VAMP1: variants seen among roughly 807,000 people sequenced by gnomAD.
VAMP1 encodes vesicle-associated membrane protein 1.
In VAMP1, 16 loss-of-function variants were observed where a neutral mutation model predicts 19.1. That is an observed-to-expected ratio of 0.84 (90% CI 0.57 to 1.27). The LOEUF (loss-of-function observed/expected upper bound fraction) is 1.27. VAMP1 is among the 50% of genes most tolerant of loss of function. VAMP1 has a pLI of 0.00. For missense variants in VAMP1, 109 were observed against 145.4 expected, an observed-to-expected ratio of 0.75 and a Z score of 1.29; for synonymous variants, 37 against 50.2, an observed-to-expected ratio of 0.74 and a Z score of 1.11.
chr12:6,470,576 C>T lies in VAMP1; in HGVS notation c.-45G>A. 6.2e-7 allele frequency: 1 copy of T among 1,613,272 alleles called. No individual in the cohort carries two copies. The highest frequency in any genetic ancestry group is 8.5e-7 in the Non-Finnish European group (1 of 1,179,474). ...AGGGTCTGTTCCTCTCCGGAGGCTG[C>T]GGCGAGACACCCGGTGAGGGACGCT... On this transcript the variant is annotated 5_prime_UTR_variant, in exon 1 of 5. Coordinates refer to ENST00000396308, the MANE Select transcript of VAMP1 (RefSeq NM_014231.5).
intron 1 of VAMP1, among the ~76,000 whole-genome samples, chr12:6,469,237 T>C (rs1327884109): frequency 6.6e-6 from 1 of 152,166 alleles, no homozygotes; most frequent in Non-Finnish European, 1.5e-5. Context: ...GCAATCTAGC[T>C]CTCGACTTAA....
intron 1 of VAMP1, among the ~76,000 whole-genome samples, chr12:6,469,198 G>C (rs1165576667): frequency 1.3e-5 from 2 of 152,168 alleles, no homozygotes; most frequent in African/African-American, 4.8e-5. Context: ...GGAGCCACAA[G>C]ACTCTTGTCC....
intron 1 of VAMP1, among the ~76,000 whole-genome samples, chr12:6,468,227 A>T (rs1371358838): frequency 2.6e-5 from 4 of 152,242 alleles, no homozygotes; most frequent in African/African-American, 7.2e-5. Context: ...GGGAGCCAGG[A>T]GGGAGGCTGT....
At chr12:6,466,895 G>T (rs1031218930) in intron 1 of VAMP1, 1 of 154,832 alleles carries the variant, frequency 6.5e-6, no homozygotes, top group African/African-American at 2.4e-5. Context: ...ATTCCCACAT[G>T]TTGTGGGAGG....
chr12:6,470,422 C>T lies in VAMP1; in HGVS notation c.2+108G>A, dbSNP rs1248002722. The T allele has an allele frequency of 4.5e-6, 7 of 1,543,016 alleles. No individual in the cohort carries two copies. The South Asian group carries it at 4.6e-5, about 10-fold the overall frequency. ...GAAGCGGCGCGCGGTGGTAGTTCCCCGCGTTGCTGCAGCTGCTGCATTGCG... is the reference window on the plus strand; with the variant it reads ...GAAGCGGCGCGCGGTGGTAGTTCCCTGCGTTGCTGCAGCTGCTGCATTGCG... On this transcript the variant is annotated intron_variant, in intron 1 of 4. Coordinates refer to ENST00000396308, the MANE Select transcript of VAMP1 (RefSeq NM_014231.5).
chr12:6,464,675 A>C (rs1400284126), intron 4 of VAMP1, 189 bp from the exon 5 acceptor site: 3 of 1,478,696 alleles, frequency 2.0e-6, no homozygotes, highest in Non-Finnish European at 2.7e-6. Context: ...AGGAGGCGCC[A>C]TCTCCCTGCA....
Position 6,462,460 on chromosome 12 carries a change from T to G in VAMP1, c.*2010A>C. 1 of 494,462 alleles carries G rather than the reference T, an allele frequency of 2.0e-6. No homozygotes were observed. Among genetic ancestry groups the G allele is most frequent in the Non-Finnish European group, 3.6e-6 (1 of 277,800 alleles). The allele number at this position is 494,462 out of a possible 1,614,324, so 30.6% of individuals were successfully genotyped here. ...GGGATGTGGGAAGCTCAGCTTCATT[T>G]GACTGCAAAGTCCCAGGGTTTTGTT... On this transcript the variant is annotated 3_prime_UTR_variant, in exon 5 of 5. Coordinates refer to ENST00000396308, the MANE Select transcript of VAMP1 (RefSeq NM_014231.5).
In VAMP1 at chr12:6,462,908, T is replaced by C; in HGVS notation, c.*1562A>G. 6.3e-6 allele frequency: 10 copies of C among 1,575,408 alleles called. No individual in the cohort carries two copies. The highest frequency in any genetic ancestry group is 1.2e-5 in the South Asian group (1 of 85,750). Reference sequence around the variant, plus strand: ...GGAAAGGAAGGATGGTTTTGAGCAATGAAATGCTGCTGCATGGAAAGTGGG... The same window carrying C: ...GGAAAGGAAGGATGGTTTTGAGCAACGAAATGCTGCTGCATGGAAAGTGGG... On this transcript the variant is annotated 3_prime_UTR_variant, in exon 5 of 5. Coordinates refer to ENST00000396308, the MANE Select transcript of VAMP1 (RefSeq NM_014231.5).
At chr12:6,467,977 C>T (rs1015943175) in intron 1 of VAMP1, among the ~76,000 whole-genome samples, 15 of 152,374 alleles carry the variant, frequency 9.8e-5, no homozygotes, top group South Asian at 2.1e-4. Context: ...TGTATGGAAA[C>T]GCCTGGATGT....
Position 6,463,588 on chromosome 12 carries a change from AC to A in VAMP1, c.*881del, listed in dbSNP as rs1248066620. On this transcript the variant is annotated 3_prime_UTR_variant, in exon 5 of 5. Transcript: ENST00000396308. This position sits in a 1 kb window ranked among gnomAD's most constrained non-coding sequence, Gnocchi z 4.0. Reference sequence around the variant, plus strand: ...TACTTTCAAATTAAGCACTTGACTCACTGTTTCTCTATAACTAACAGGCAAT... The same window carrying A: ...TACTTTCAAATTAAGCACTTGACTCATGTTTCTCTATAACTAACAGGCAAT... 9.4e-7 allele frequency: 1 copy of A among 1,065,120 alleles called. No homozygotes were observed. The highest frequency in any genetic ancestry group is 1.1e-6 in the Non-Finnish European group (1 of 877,000). 66.0% of individuals were successfully genotyped at this position (1,065,120 alleles called of 1,614,324 possible). A position where few individuals can be genotyped will look rare whatever the true frequency, so the allele number is the denominator to read the frequency against.
At chr12:6,465,009 TG>T in intron 3 of VAMP1, 68 bp from the exon 4 acceptor site, 1 of 1,601,442 alleles carries the variant, frequency 6.2e-7, no homozygotes. Context: ...ACATCTCTAG[TG>T]GGAAACAGAA....
Position 6,463,958 on chromosome 12 carries a change from TG to T in VAMP1, c.*511del. On this transcript the variant is annotated 3_prime_UTR_variant, in exon 5 of 5. Transcript: ENST00000396308. This position sits in a 1 kb window ranked among gnomAD's most constrained non-coding sequence, Gnocchi z 4.0. ...ACTGCACTGAAACCAAGTTGGACTTTGGTCCACCCCCAGGACCCTCTTCAGG... is the reference window on the plus strand; with the variant it reads ...ACTGCACTGAAACCAAGTTGGACTTTGTCCACCCCCAGGACCCTCTTCAGG... The T allele has an allele frequency of 7.8e-7, 1 of 1,290,170 alleles. No homozygotes were observed. Among genetic ancestry groups the T allele is most frequent in the Non-Finnish European group, 1.0e-6 (1 of 989,420 alleles). 79.9% of individuals were successfully genotyped at this position (1,290,170 alleles called of 1,614,324 possible). A position where few individuals can be genotyped will look rare whatever the true frequency, so the allele number is the denominator to read the frequency against.
chr12:6,465,355 AAAG>A (rs1220743780), intron 3 of VAMP1: 7 of 240,330 alleles, frequency 2.9e-5, no homozygotes, highest in African/African-American at 2.2e-4. Flanking sequence ...GAAAAAGAAA[AAAG>A]TATATATATA....
rs572071417 is a variant in VAMP1 at position 6,466,102 on chromosome 12, G to A, written c.130-102C>T. 1.9e-6 allele frequency: 3 copies of A among 1,609,926 alleles called. No individual in the cohort carries two copies. In the African/African-American group the frequency reaches 4.0e-5, roughly 22 times the overall value. On this transcript the variant is annotated intron_variant, in intron 2 of 4. Transcript: ENST00000396308. ...AGTCTGGCCCTGTGCAACTCTAAAG[G>A]GTGCTTTGCCTCTCAGGGCCTTTGA...
At chr12:6,465,165 A>G (rs1472987280) in intron 3 of VAMP1, 14 of 585,056 alleles carry the variant, frequency 2.4e-5, no homozygotes, top group Non-Finnish European at 3.8e-5. Flanking sequence ...CAGGACCTGC[A>G]TTGAGCTCCT....
At position 6,463,159 on chromosome 12, in the gene VAMP1, T is replaced by C; in HGVS notation, c.*1311A>G. On this transcript the variant is annotated 3_prime_UTR_variant, in exon 5 of 5. Coordinates refer to ENST00000396308, the MANE Select transcript of VAMP1 (RefSeq NM_014231.5). This position sits in a 1 kb window ranked among gnomAD's most constrained non-coding sequence, Gnocchi z 4.0. ...TTCCACTGTCTATACACACAAACCA[T>C]GCAAAGAGGAGGAAGAGAAAGGAGG... is the stretch of plus-strand genomic sequence containing the variant. 2 of 1,444,508 alleles carry C rather than the reference T, an allele frequency of 1.4e-6. No individual in the cohort carries two copies. The highest frequency in any genetic ancestry group is 1.4e-5 in the South Asian group (1 of 68,996). The allele number at this position is 1,444,508 out of a possible 1,614,324, so 89.5% of individuals were successfully genotyped here.
Position 6,464,238 on chromosome 12 carries a change from G to A in VAMP1, c.*232C>T, listed in dbSNP as rs1949947845. On this transcript the variant is annotated 3_prime_UTR_variant, in exon 5 of 5. Coordinates refer to ENST00000396308, the MANE Select transcript of VAMP1 (RefSeq NM_014231.5). ...AGAGTACAGAAAAAGCAGGCAGGGA[G>A]GAGGCGCCAGCTGTTGCTCTTCGGG... is the stretch of plus-strand genomic sequence containing the variant. 5 of 1,522,210 alleles carry A rather than the reference G, an allele frequency of 3.3e-6. No homozygotes were observed. The highest frequency in any genetic ancestry group is 2.6e-6 in the Non-Finnish European group (3 of 1,135,508). 94.3% of individuals were successfully genotyped at this position (1,522,210 alleles called of 1,614,324 possible). A position where few individuals can be genotyped will look rare whatever the true frequency, so the allele number is the denominator to read the frequency against.
At chr12:6,468,003 C>G (rs1229323633) in intron 1 of VAMP1, among the ~76,000 whole-genome samples, 1 of 152,252 alleles carries the variant, frequency 6.6e-6, no homozygotes, top group Admixed American at 6.5e-5. Flanking sequence ...CAAAAGTTTG[C>G]TGCAAGGGCA....
intron 1 of VAMP1, 126 bp from the exon 2 acceptor site, chr12:6,466,477 G>T: frequency 9.6e-7 from 1 of 1,043,360 alleles, no homozygotes; most frequent in Non-Finnish European, 1.3e-6. Context: ...GAGCCCAGGA[G>T]TTCGAGGCCA....
Sources: allele counts gnomAD v4.1 joint callset (sites outside exome capture counted in the v4.1 genomes callset), GRCh38; gene constraint gnomAD v4.1.1; non-coding constraint Gnocchi (gnomAD v3.1); transcripts MANE v1.5; gene names NCBI Gene and HGNC (gene_info 2026-07-23, HGNC 2026-07-21).